Variants in PLEKHM2 observed in about 807,000 individuals in gnomAD.
PLEKHM2 encodes pleckstrin homology domain-containing family M member 2.
A neutral mutation model predicts 116.3 loss-of-function variants in PLEKHM2; 77 were observed. The ratio of observed to expected loss-of-function variants is 0.66; its 90% CI spans 0.55 to 0.80. PLEKHM2 has a LOEUF of 0.80. PLEKHM2 is among the 30% of genes least tolerant of loss of function. The probability of loss-of-function intolerance (pLI) is 0.00; values close to 1 mark genes in which losing one functional copy is unlikely to be tolerated. For missense variants in PLEKHM2, 1,183 were observed against 1,354.9 expected (o/e 0.87, Z 1.99); for synonymous variants, 562 against 571.0 (o/e 0.98, Z 0.22).
intron 1 of PLEKHM2, among the ~76,000 whole-genome samples, chr1:15,698,342 T>C (rs1557643042): frequency 6.6e-6 from 1 of 152,118 alleles, no homozygotes; most frequent in African/African-American, 2.4e-5. Flanking sequence ...TAGTTGGGAC[T>C]ATAGGTGTGT....
chr1:15,686,951 C>G (rs1022753078), intron 1 of PLEKHM2, among the ~76,000 whole-genome samples: 6 of 151,784 alleles, frequency 4.0e-5, no homozygotes, highest in African/African-American at 1.5e-4. Context: ...CGCCCAGCGT[C>G]TAATTTTTGT....
chr1:15,729,071 C>T lies in PLEKHM2; in HGVS notation c.1987-31C>T. 6.3e-7 allele frequency: 1 copy of T among 1,584,172 alleles called. No individual in the cohort carries two copies. Among genetic ancestry groups the T allele is most frequent in the Non-Finnish European group, 8.6e-7 (1 of 1,162,978 alleles). On this transcript the variant is annotated intron_variant, in intron 12 of 19. Transcript: ENST00000375799. The surrounding 1 kb of genome is among the most constrained non-coding windows in gnomAD (Gnocchi z 4.7). Reference sequence around the variant, plus strand: ...TCTCCGCCAGGCAGCAGCTAAGCCCCAAGTGCATGTCACGGTGTGGTTTCT... The same window carrying T: ...TCTCCGCCAGGCAGCAGCTAAGCCCTAAGTGCATGTCACGGTGTGGTTTCT...
intron 19 of PLEKHM2, 59 bp downstream of exon 19, chr1:15,732,787 C>A: frequency 3.5e-6 from 4 of 1,148,114 alleles, no homozygotes; most frequent in East Asian, 2.5e-5. Flanking sequence ...GAGCCACTCC[C>A]CGGGGAGAGG....
intron 1 of PLEKHM2, among the ~76,000 whole-genome samples, chr1:15,688,473 G>A (rs142706033): frequency 1.3e-5 from 2 of 152,220 alleles, no homozygotes; most frequent in African/African-American, 4.8e-5. Context: ...CCAACATGGT[G>A]AAACCCCATC....
Position 15,729,180 on chromosome 1 carries a change from G to A in PLEKHM2, c.2065G>A (p.Ala689Thr). ...KQFLLDTADV[A>T]LAEFFLASLK... ...GTTTCTGCTGGACACGGCTGATGTG[G>A]CGCTGGCTGAGTGAGTGGCAACCCC... Residue 689 changes from alanine to threonine, a missense_variant, in exon 13 of 20, where the codon GCG becomes ACG. By Grantham distance (58) the Ala-to-Thr change is moderately conservative. This residue lies in a region of PLEKHM2 where 594 missense variants were observed against 720.1 expected (regional missense o/e 0.82). Transcript: ENST00000375799. This position sits in a 1 kb window ranked among gnomAD's most constrained non-coding sequence, Gnocchi z 4.7. 1.2e-6 allele frequency: 2 copies of A among 1,610,158 alleles called. No individual in the cohort carries two copies. Among genetic ancestry groups the A allele is most frequent in the Non-Finnish European group, 1.7e-6 (2 of 1,178,290 alleles).
At chr1:15,690,178 T>C (rs1423599954) in intron 1 of PLEKHM2, among the ~76,000 whole-genome samples, 1 of 151,576 alleles carries the variant, frequency 6.6e-6, no homozygotes, top group Non-Finnish European at 1.5e-5. Flanking sequence ...GCAATTCTCG[T>C]GCCTCAACCT....
At chr1:15,705,370 T>C (rs539220444) in intron 1 of PLEKHM2, among the ~76,000 whole-genome samples, 1 of 151,802 alleles carries the variant, frequency 6.6e-6, no homozygotes, top group South Asian at 2.1e-4. Flanking sequence ...TTTGCTGAGG[T>C]AGGGTTTTGC....
At position 15,733,534 on chromosome 1, in the gene PLEKHM2, T is replaced by TGC. The variant is rs146058543; in HGVS notation, c.2923-262_2923-261dup. 7.0e-3 allele frequency among the ~76,000 whole-genome samples: 1,069 copies of TGC among 152,216 alleles called. 12 individuals carry two copies. Among genetic ancestry groups the TGC allele is most frequent in the African/African-American group, 0.024 (1,005 of 41,534 alleles). On this transcript the variant is annotated intron_variant, in intron 19 of 19. Transcript: ENST00000375799. The stretch of plus-strand genomic sequence containing the variant: ...CACCTCCCTGCAGAGCCAAACAGAG[T>TGC]GCAGCGCCTGCCTCGCTGGGCCATC...
At position 15,727,645 on chromosome 1, in the gene PLEKHM2, C is replaced by T. The variant is rs764534946; in HGVS notation, c.1573C>T (p.Gln525Ter). Residue 525 changes from glutamine (Q) to a stop codon, truncating the protein, a stop_gained, in exon 9 of 20, where the codon CAG becomes TAG. Transcript: ENST00000375799. LOFTEE classifies it high-confidence loss of function. The surrounding 1 kb of genome is among the most constrained non-coding windows in gnomAD (Gnocchi z 7.5). Reference protein sequence around the residue: ...RPLEDTTREAQELEAQLSLVR... With the variant: ...RPLEDTTREA ...CCTAGAGGATACCACGAGGGAGGCTCAGGAGCTGGAGGCCCAGCTGTCCCT... is the reference window on the plus strand; with the variant it reads ...CCTAGAGGATACCACGAGGGAGGCTTAGGAGCTGGAGGCCCAGCTGTCCCT... The T allele has an allele frequency of 1.3e-6, 2 of 1,593,428 alleles. No homozygotes were observed. The highest frequency in any genetic ancestry group is 1.8e-5 in the Admixed American group (1 of 56,702).
At chr1:15,711,188 C>A (rs190704764) in intron 1 of PLEKHM2, among the ~76,000 whole-genome samples, 1 of 150,718 alleles carries the variant, frequency 6.6e-6, no homozygotes, top group East Asian at 1.9e-4. Context: ...ATAGGGAGAC[C>A]CTGTCTCTAT....
chr1:15,683,557 G>A (rs191087288), upstream of PLEKHM2, among the ~76,000 whole-genome samples: 185 of 150,456 alleles, frequency 1.2e-3, no homozygotes, highest in Middle Eastern at 6.8e-3. Context: ...AGAGTCCTTG[G>A]GGCCTGTGGG....
chr1:15,722,198 C>T (rs2068004712), intron 7 of PLEKHM2, among the ~76,000 whole-genome samples: 1 of 152,222 alleles, frequency 6.6e-6, no homozygotes. Flanking sequence ...GGCTGGAGTG[C>T]AGTGGTGTGA....
chr1:15,728,377 A>G lies in PLEKHM2; in HGVS notation c.1921+20A>G, dbSNP rs1296917321. The G allele has an allele frequency of 5.6e-6, 9 of 1,603,968 alleles. No homozygotes were observed. The highest frequency in any genetic ancestry group is 7.7e-6 in the Non-Finnish European group (9 of 1,173,276). The stretch of plus-strand genomic sequence containing the variant: ...GGAAAGGTGCCCGCCGCCCCCGGGC[A>G]GACAGCGGGTTGTAGACGAGGCTGA... On this transcript the variant is annotated intron_variant, in intron 11 of 19. Transcript: ENST00000375799. The surrounding 1 kb of genome is among the most constrained non-coding windows in gnomAD (Gnocchi z 5.9).
chr1:15,689,947 G>C (rs1043671429), intron 1 of PLEKHM2, among the ~76,000 whole-genome samples: 1 of 152,168 alleles, frequency 6.6e-6, no homozygotes, highest in Non-Finnish European at 1.5e-5. Context: ...GTAGAGACAG[G>C]GTTTCGCCAT....
chr1:15,726,019 G>A (rs1000821626), intron 8 of PLEKHM2: 3 of 167,624 alleles, frequency 1.8e-5, no homozygotes, highest in African/African-American at 4.8e-5. Flanking sequence ...TTCAACACAG[G>A]AATCTGGAGG....
intron 1 of PLEKHM2, among the ~76,000 whole-genome samples, chr1:15,715,459 T>C (rs1641426114): frequency 6.6e-6 from 1 of 152,110 alleles, no homozygotes; most frequent in Admixed American, 6.5e-5. Flanking sequence ...CTGGCCAACA[T>C]GGCGAAACCT....
At chr1:15,696,495 C>T (rs1373604592) in intron 1 of PLEKHM2, among the ~76,000 whole-genome samples, 4 of 152,192 alleles carry the variant, frequency 2.6e-5, no homozygotes, top group South Asian at 2.1e-4. Context: ...GGATTATAGG[C>T]GCCCGCCACC....
chr1:15,698,541 C>CTTTTTTTTTTTTTTTTTT (rs1249746368), intron 1 of PLEKHM2, among the ~76,000 whole-genome samples: 12 of 139,044 alleles, frequency 8.6e-5, no homozygotes, highest in African/African-American at 3.5e-4. Flanking sequence ...TTCTTTCTTT[C>CTTTTTTTTTTTTTTTTTT]TTTCTTTCTT....
Position 15,727,884 on chromosome 1 carries a change from GA to G in PLEKHM2, c.1760+53del. 1 of 1,397,314 alleles carries G rather than the reference GA, an allele frequency of 7.2e-7. No homozygotes were observed. Among genetic ancestry groups the G allele is most frequent in the Non-Finnish European group, 9.8e-7 (1 of 1,023,916 alleles). The allele number at this position is 1,397,314 out of a possible 1,614,324, so 86.6% of individuals were successfully genotyped here. A position where few individuals can be genotyped will look rare whatever the true frequency, so the allele number is the denominator to read the frequency against. On this transcript the variant is annotated intron_variant, in intron 9 of 19. Transcript: ENST00000375799. The surrounding 1 kb of genome is among the most constrained non-coding windows in gnomAD (Gnocchi z 7.5). ...GACTCTCCCAGCCCTTGAAGCTGGG[GA>G]CACTGTGCCTCTGACCTCCAGATAA...
Sources: gnomAD v4.1 joint callset for allele counts (sites outside exome capture counted in the v4.1 genomes callset) on GRCh38, gnomAD v4.1.1 for gene constraint, gnomAD v4.1.1 regional missense constraint, Gnocchi (gnomAD v3.1) non-coding constraint, MANE v1.5 for transcripts, NCBI Gene and HGNC (gene_info 2026-07-23, HGNC 2026-07-21) for gene names.